Variants in ZFP64 observed in about 807,000 individuals in gnomAD.
ZFP64 encodes the protein ZFP64 zinc finger protein, also known as zinc finger protein 64.
Under a neutral mutation model 51.6 loss-of-function variants are expected in ZFP64, and 14 were observed. That is an observed-to-expected ratio of 0.27 (90% CI 0.18 to 0.42). The LOEUF is 0.42. Ranked by LOEUF, ZFP64 falls within the 10% of genes least tolerant of loss-of-function variation. The pLI is 1.00. For synonymous variants in ZFP64, 375 were observed against 361.4 expected (o/e 1.04, Z -0.43); for missense variants, 754 against 906.8 (o/e 0.83, Z 2.16).
Position 52,153,270 on chromosome 20 carries a change from T to A in ZFP64, c.922A>T (p.Ile308Phe). 6.2e-7 allele frequency: 1 copy of A among 1,614,214 alleles called. No homozygotes were observed. ...TTGAAGTTATTCCCGCTGTGCTTGA[T>A]ACGGATGTGCGACTTGAGGTTCCCC... ...MKGNLKSHIR[I>F]KHSGNNFKCP... Residue 308 changes from isoleucine (I) to phenylalanine (F), a missense_variant, in exon 6 of 6, where the codon ATC (isoleucine) becomes TTC (phenylalanine). By Grantham distance (21) the Ile-to-Phe change is conservative. Transcript: ENST00000216923. This position sits in a 1 kb window ranked among gnomAD's most constrained non-coding sequence, Gnocchi z 5.1.
Position 52,097,382 on chromosome 20 carries a change from TTC to T in ZFP64, c.965_966del (p.Arg322AsnfsTer11). 6.2e-7 allele frequency: 1 copy of T among 1,613,134 alleles called. No homozygotes were observed. Among genetic ancestry groups the T allele is most frequent in the Non-Finnish European group, 8.5e-7 (1 of 1,179,852 alleles). ...CAGAATGGATACCTACCCGTGTGGA[TTC>T]TGAGATGGCGGTCCAAGTCTTTCAT... On this transcript the variant is annotated frameshift_variant, in exon 7 of 9. Transcript: ENST00000361387. LOFTEE classifies it high-confidence loss of function.
At chr20:52,178,348 T>G (rs1406802318) in intron 2 of ZFP64, among the ~76,000 whole-genome samples, 1 of 152,216 alleles carries the variant, frequency 6.6e-6, no homozygotes, top group African/African-American at 2.4e-5. Context: ...GGACAAGTTA[T>G]TTAACCCCTC....
At chr20:52,175,875 C>A (rs1726261255) in intron 2 of ZFP64, 3 of 965,636 alleles carry the variant, frequency 3.1e-6, no homozygotes, top group African/African-American at 3.5e-5. Flanking sequence ...CCCCCGCCCC[C>A]AAAATAATTC....
intron 5 of ZFP64, among the ~76,000 whole-genome samples, chr20:52,139,450 T>C (rs1222008984): frequency 6.6e-6 from 1 of 152,080 alleles, no homozygotes; most frequent in African/African-American, 2.4e-5. Flanking sequence ...AGCTAAACAT[T>C]GAGTACCCGT....
intron 2 of ZFP64, among the ~76,000 whole-genome samples, chr20:52,174,503 A>G (rs1303144295): frequency 1.3e-5 from 2 of 151,508 alleles, no homozygotes; most frequent in Admixed American, 1.3e-4. Flanking sequence ...AAAAAAAAAA[A>G]AGTATATTTT....
intron 5 of ZFP64, among the ~76,000 whole-genome samples, chr20:52,156,366 G>A (rs548950210): frequency 1.3e-5 from 2 of 152,308 alleles, no homozygotes; most frequent in East Asian, 3.9e-4. Flanking sequence ...GCTTGAAATG[G>A]GCTTGTGCAC....
At chr20:52,125,275 ACAG>A (rs1322740753) in intron 5 of ZFP64, among the ~76,000 whole-genome samples, 2 of 152,196 alleles carry the variant, frequency 1.3e-5, no homozygotes, top group Non-Finnish European at 2.9e-5. Flanking sequence ...GTGGGAATTT[ACAG>A]CAGCATGTGA....
intron 5 of ZFP64, among the ~76,000 whole-genome samples, chr20:52,124,182 T>C (rs146713477): frequency 4.4e-5 from 6 of 137,354 alleles, no homozygotes; most frequent in Non-Finnish European, 7.9e-5. Context: ...GAAAGATACA[T>C]TGTTAAATGT....
chr20:52,138,436 G>C (rs1281665463), intron 5 of ZFP64, among the ~76,000 whole-genome samples: 4 of 151,680 alleles, frequency 2.6e-5, no homozygotes, highest in East Asian at 3.9e-4. Context: ...GATAAAGAAA[G>C]ATACTGAATA....
intron 5 of ZFP64, among the ~76,000 whole-genome samples, chr20:52,116,282 T>A (rs1436133131): frequency 6.6e-6 from 1 of 151,732 alleles, no homozygotes; most frequent in Non-Finnish European, 1.5e-5. Context: ...ATTACAGGCA[T>A]GCATCACCAC....
intron 5 of ZFP64, among the ~76,000 whole-genome samples, chr20:52,119,530 AAAAATAT>A (rs528851221): frequency 0.17 from 16,582 of 97,902 alleles, 1,353 homozygotes; most frequent in Non-Finnish European, 0.22. Flanking sequence ...TAAAAAAAAA[AAAAATAT>A]ATATATATAT....
At chr20:52,084,226 G>C (rs947697104) in exon 9 of ZFP64, 1 of 284,176 alleles carries the variant, frequency 3.5e-6, no homozygotes, top group African/African-American at 2.2e-5. Flanking sequence ...TTCCATCAGA[G>C]ATGGATCAGT....
chr20:52,101,583 G>GTAT (rs1321399549), intron 5 of ZFP64, among the ~76,000 whole-genome samples: 3 of 147,662 alleles, frequency 2.0e-5, no homozygotes, highest in Non-Finnish European at 1.5e-5. Flanking sequence ...TTGTAGTTTT[G>GTAT]TTTTTATAGA....
At chr20:52,104,603 G>A in intron 5 of ZFP64, 1 of 438,184 alleles carries the variant, frequency 2.3e-6, no homozygotes, top group Non-Finnish European at 4.7e-6. Flanking sequence ...TGACGCCCTG[G>A]GTCCCTGCGC....
At chr20:52,159,166 G>A (rs1379167730) in intron 5 of ZFP64, among the ~76,000 whole-genome samples, 1 of 152,186 alleles carries the variant, frequency 6.6e-6, no homozygotes, top group African/African-American at 2.4e-5. Context: ...AAGTATGTTA[G>A]CAACAAATGT....
intron 5 of ZFP64, among the ~76,000 whole-genome samples, chr20:52,103,887 TTAAACTACTCCCC>T (rs1208992039): frequency 6.6e-6 from 1 of 152,188 alleles, no homozygotes; most frequent in East Asian, 1.9e-4. Context: ...GGAGGCTTCA[TTAAACTACTCCCC>T]TCCACCACCA....
At chr20:52,150,874 C>A (rs1980758535), downstream of ZFP64, among the ~76,000 whole-genome samples, 1 of 152,182 alleles carries the variant, frequency 6.6e-6, no homozygotes, top group Non-Finnish European at 1.5e-5. Context: ...CAATGTAAAA[C>A]AACACAATCT....
At chr20:52,116,156 G>C (rs1254696923) in intron 5 of ZFP64, among the ~76,000 whole-genome samples, 2 of 142,626 alleles carry the variant, frequency 1.4e-5, no homozygotes, top group Non-Finnish European at 1.5e-5. Context: ...TTTTTTTTGA[G>C]ATGGAGTCTC....
intron 5 of ZFP64, among the ~76,000 whole-genome samples, chr20:52,157,200 G>T (rs1199441675): frequency 6.6e-6 from 1 of 152,200 alleles, no homozygotes; most frequent in Non-Finnish European, 1.5e-5. Context: ...TTGGTGCCAA[G>T]TATGTTCTCT....
Sources: gnomAD v4.1 joint callset for allele counts (sites outside exome capture counted in the v4.1 genomes callset) on GRCh38, gnomAD v4.1.1 for gene constraint, Gnocchi (gnomAD v3.1) non-coding constraint, MANE v1.5 for transcripts, NCBI Gene and HGNC (gene_info 2026-07-23, HGNC 2026-07-21) for gene names.